CSGALNACT1: variants seen among roughly 807,000 people sequenced by gnomAD.
CSGALNACT1 encodes chondroitin sulfate N-acetylgalactosaminyltransferase 1, also known as beta4GalNAcT-1.
In CSGALNACT1, 52 loss-of-function variants were observed where a neutral mutation model predicts 51.0. The ratio of observed to expected loss-of-function variants is 1.02; its 90% CI spans 0.82 to 1.29. The LOEUF (loss-of-function observed/expected upper bound fraction) is 1.29, where lower values mean the gene tolerates loss of function less well. Ranked by LOEUF, CSGALNACT1 falls within the 50% of genes most tolerant of loss-of-function variation. The probability of loss-of-function intolerance (pLI) is 0.00; values close to 1 mark genes in which losing one functional copy is unlikely to be tolerated. For synonymous variants in CSGALNACT1, 341 were observed against 254.4 expected, an observed-to-expected ratio of 1.34 and a Z score of -3.24; for missense variants, 935 against 679.2, an observed-to-expected ratio of 1.38 and a Z score of -4.19.
chr8:19,538,828 C>A (rs151121068), intron 3 of CSGALNACT1, among the ~76,000 whole-genome samples: 2 of 151,950 alleles, frequency 1.3e-5, no homozygotes, highest in African/African-American at 4.8e-5. Flanking sequence ...GATACCCCTG[C>A]CCCCAGACTC....
chr8:19,645,634 G>A (rs981208824), intron 1 of CSGALNACT1, among the ~76,000 whole-genome samples: 3 of 152,238 alleles, frequency 2.0e-5, no homozygotes, highest in East Asian at 1.9e-4. Flanking sequence ...GCCTACCAAC[G>A]AATGGAAGCT....
intron 3 of CSGALNACT1, among the ~76,000 whole-genome samples, chr8:19,525,643 A>T (rs2154041266): frequency 6.7e-6 from 1 of 149,756 alleles, no homozygotes; most frequent in East Asian, 1.9e-4. Context: ...AAAAAAAAAA[A>T]AAAAAAGTAG....
intron 4 of CSGALNACT1, among the ~76,000 whole-genome samples, chr8:19,503,941 A>C (rs1329387952): frequency 6.6e-6 from 1 of 152,242 alleles, no homozygotes; most frequent in Non-Finnish European, 1.5e-5. Context: ...CAAAGAACAC[A>C]GGCATGAACA....
At chr8:19,639,211 TCAA>T (rs1379470158) in intron 1 of CSGALNACT1, among the ~76,000 whole-genome samples, 1 of 152,134 alleles carries the variant, frequency 6.6e-6, no homozygotes, top group Non-Finnish European at 1.5e-5. Flanking sequence ...CACAGAACAA[TCAA>T]CAATAACAGG....
At chr8:19,656,042 G>A (rs375633985) in intron 1 of CSGALNACT1, among the ~76,000 whole-genome samples, 15 of 152,096 alleles carry the variant, frequency 9.9e-5, no homozygotes, top group African/African-American at 3.6e-4. Context: ...AGAATGGAAG[G>A]GGGTACATCA....
intron 4 of CSGALNACT1, among the ~76,000 whole-genome samples, chr8:19,500,199 T>A (rs987414585): frequency 6.6e-6 from 1 of 152,084 alleles, no homozygotes; most frequent in African/African-American, 2.4e-5. Context: ...GGGGTGACAG[T>A]AGTCAGAAGG....
intron 5 of CSGALNACT1, among the ~76,000 whole-genome samples, chr8:19,444,605 T>G (rs1046464741): frequency 1.3e-5 from 2 of 152,348 alleles, no homozygotes; most frequent in East Asian, 3.9e-4. Context: ...ATCCACATCA[T>G]AATTTCTAAA....
chr8:19,549,123 C>G (rs1030702969), intron 3 of CSGALNACT1, among the ~76,000 whole-genome samples: 1 of 131,198 alleles, frequency 7.6e-6, no homozygotes, highest in African/African-American at 3.4e-5. Context: ...AGCTGCTTAT[C>G]CTTTTTTTTT....
intron 4 of CSGALNACT1, among the ~76,000 whole-genome samples, chr8:19,490,911 G>T (rs957452103): frequency 1.3e-5 from 2 of 152,108 alleles, no homozygotes; most frequent in Non-Finnish European, 2.9e-5. Context: ...CTCGAAACCT[G>T]GGACTGTTTC....
rs368492168 is a variant in CSGALNACT1 at position 19,638,261 on chromosome 8, G to C, written c.-543-36396C>G. 1.2e-4 allele frequency among the ~76,000 whole-genome samples: 18 copies of C among 150,556 alleles called. 1 individual carries two copies. Among genetic ancestry groups the C allele is most frequent in the Admixed American group, 8.6e-4 (13 of 15,058 alleles). On this transcript the variant is annotated intron_variant, in intron 1 of 9. Transcript: ENST00000332246. ...TCCTGAGAGAGGTTGGGCTTGAGAG[G>C]CTGCCCTCCCTGCCTCAACTGTGTC...
At chr8:19,567,532 T>C (rs1196438285) in intron 3 of CSGALNACT1, among the ~76,000 whole-genome samples, 1 of 152,204 alleles carries the variant, frequency 6.6e-6, no homozygotes, top group Non-Finnish European at 1.5e-5. Context: ...ATTACACTTA[T>C]TGGGGAAACG....
chr8:19,503,985 G>C (rs1235992870), intron 4 of CSGALNACT1, among the ~76,000 whole-genome samples: 3 of 152,220 alleles, frequency 2.0e-5, no homozygotes, highest in East Asian at 1.9e-4. Context: ...ATGGAAGAGA[G>C]TCAGTTTTGC....
rs55968136 is a variant in CSGALNACT1, at chr8:19,542,200, AACACACACAC to A, written c.-296-36080_-296-36071del. Among the ~76,000 whole-genome samples the A allele has an allele frequency of 2.4e-3, 348 of 144,040 alleles. 1 individual carries two copies. The highest frequency in any genetic ancestry group is 0.013 in the South Asian group (55 of 4,320). 94.5% of individuals were successfully genotyped at this position (144,040 alleles called of 152,430 possible). Reference sequence around the variant, plus strand: ...AAGAAAGAAGAGAGACAGCACAAGAAACACACACACACACACACACACACACACACACACA... The same window carrying A: ...AAGAAAGAAGAGAGACAGCACAAGAAACACACACACACACACACACACACA... On this transcript the variant is annotated intron_variant, in intron 3 of 9. Coordinates refer to ENST00000454498, the Ensembl canonical transcript of CSGALNACT1.
chr8:19,428,440 C>T (rs1295736797), intron 6 of CSGALNACT1, among the ~76,000 whole-genome samples: 3 of 152,100 alleles, frequency 2.0e-5, no homozygotes, highest in Non-Finnish European at 2.9e-5. Flanking sequence ...CATCAGATCT[C>T]GTGAGACTTA....
intron 4 of CSGALNACT1, among the ~76,000 whole-genome samples, chr8:19,496,553 GATATAATGAGCTGAAAGAAGC>G (rs1358730682): frequency 6.6e-6 from 1 of 152,174 alleles, no homozygotes. Context: ...TCTGCTCCAA[GATATAATGAGCTGAAAGAAGC>G]ATCCCTTACC....
chr8:19,727,796 T>C (rs1431046014), intron 1 of CSGALNACT1, among the ~76,000 whole-genome samples: 2 of 152,082 alleles, frequency 1.3e-5, no homozygotes, highest in East Asian at 3.9e-4. Flanking sequence ...GGGACCAAGG[T>C]GGGCCTCAGT....
At chr8:19,686,351 T>C (rs7827153), upstream of CSGALNACT1, among the ~76,000 whole-genome samples, 78,120 of 152,060 alleles carry the variant, frequency 0.51, 21,103 homozygotes, top group Middle Eastern at 0.62. Flanking sequence ...TCACTTTATC[T>C]ATAGGAGACA....
At chr8:19,448,804 T>C (rs75061598) in intron 5 of CSGALNACT1, among the ~76,000 whole-genome samples, 1,957 of 152,304 alleles carry the variant, frequency 0.013, 45 homozygotes, top group African/African-American at 0.045. Flanking sequence ...TATTTAGGCT[T>C]TAAGTAGTGT....
chr8:19,519,744 T>G (rs976245005), intron 3 of CSGALNACT1, among the ~76,000 whole-genome samples: 1 of 152,222 alleles, frequency 6.6e-6, no homozygotes, highest in Non-Finnish European at 1.5e-5. Context: ...CTTGTCTTCT[T>G]GGGCACTTGC....
Sources: allele counts gnomAD v4.1 joint callset (sites outside exome capture counted in the v4.1 genomes callset), GRCh38; gene constraint gnomAD v4.1.1; transcripts MANE v1.5; gene names NCBI Gene and HGNC (gene_info 2026-07-23, HGNC 2026-07-21).